MAP9: variants seen among roughly 807,000 people sequenced by gnomAD.
MAP9 encodes the protein microtubule-associated protein 9.
MAP9 carries 80 observed loss-of-function variants against 75.2 expected under a neutral mutation model. The ratio of observed to expected loss-of-function variants is 1.06; its 90% CI spans 0.89 to 1.28. The LOEUF (loss-of-function observed/expected upper bound fraction) is 1.28, where lower values mean the gene tolerates loss of function less well. Among genes scored for constraint, MAP9 ranks in the 50% most tolerant of loss-of-function variants. MAP9 has a pLI of 0.00. For synonymous variants in MAP9, 235 were observed against 237.3 expected (o/e 0.99, Z 0.09); for missense variants, 753 against 719.9 (o/e 1.05, Z -0.53).
chr4:155,360,447 C>A, intron 6 of MAP9, 32 bp from the exon 7 acceptor site: 1 of 1,580,406 alleles, frequency 6.3e-7, no homozygotes, highest in South Asian at 1.1e-5. Context: ...GCATTAAAAC[C>A]CCCTTCTGAA....
Position 155,343,680 on chromosome 4 carries a change from T to C in MAP9, c.*4103A>G, listed in dbSNP as rs1212671576. ...AAAATAAATCTTGAATGGTTGATTT[T>C]AATACACTAAACATTACATGAAAAT... On this transcript the variant is annotated 3_prime_UTR_variant, in exon 14 of 14. Transcript: ENST00000311277. The C allele has an allele frequency of 7.4e-6, 1 of 135,630 alleles. No homozygotes were observed. Among genetic ancestry groups the C allele is most frequent in the Non-Finnish European group, 1.5e-5 (1 of 64,890 alleles). 8.4% of individuals were successfully genotyped at this position (135,630 alleles called of 1,614,324 possible).
In MAP9 at chr4:155,355,973, A is replaced by G; in HGVS notation, c.1122-89T>C. On this transcript the variant is annotated intron_variant, in intron 8 of 13. Coordinates refer to ENST00000311277, the MANE Select transcript of MAP9 (RefSeq NM_001039580.2). Reference sequence around the variant, plus strand: ...TTAGAATATGCACGTATAATATTTGAAAACTGGCCAGGCATGATGGCTCAC... The same window carrying G: ...TTAGAATATGCACGTATAATATTTGGAAACTGGCCAGGCATGATGGCTCAC... 3 of 1,194,522 alleles carry G rather than the reference A, an allele frequency of 2.5e-6. No homozygotes were observed. The South Asian group carries it at 4.6e-5, about 18-fold the overall frequency. 74.0% of individuals were successfully genotyped at this position (1,194,522 alleles called of 1,614,324 possible). A position where few individuals can be genotyped will look rare whatever the true frequency, so the allele number is the denominator to read the frequency against.
intron 5 of MAP9, among the ~76,000 whole-genome samples, chr4:155,365,507 G>C (rs1350834639): frequency 6.6e-6 from 1 of 152,060 alleles, no homozygotes; most frequent in African/African-American, 2.4e-5. Context: ...CAACCATGTT[G>C]ACCAAACTTA....
At chr4:155,367,743 T>C (rs1440802692) in intron 5 of MAP9, among the ~76,000 whole-genome samples, 4 of 152,196 alleles carry the variant, frequency 2.6e-5, no homozygotes, top group African/African-American at 9.6e-5. Flanking sequence ...TTCCTAATAC[T>C]TCCAGTCTGA....
At chr4:155,357,062 AT>A (rs1731824645) in intron 8 of MAP9, 2 of 196,618 alleles carry the variant, frequency 1.0e-5, no homozygotes, top group South Asian at 1.9e-4. Context: ...CTTCAGCTTT[AT>A]TACCATTTTA....
In MAP9 at chr4:155,360,598, T is replaced by C. The variant is rs1448250450; in HGVS notation, c.803-183A>G. ...TTCGAAAGTGATTTACAAAAAAAAA[T>C]AGTCTAGGCTTAACTAATGAAGCAC... On this transcript the variant is annotated intron_variant, in intron 6 of 13. Coordinates refer to ENST00000311277, the MANE Select transcript of MAP9 (RefSeq NM_001039580.2). 4 of 559,434 alleles carry C rather than the reference T, an allele frequency of 7.2e-6. 1 individual carries two copies. In the Admixed American group the frequency reaches 1.3e-4, roughly 18 times the overall value. The allele number at this position is 559,434 out of a possible 1,614,324, so 34.7% of individuals were successfully genotyped here.
chr4:155,373,156 G>C lies in MAP9; in HGVS notation c.461C>G (p.Ser154Ter). Reference sequence around the variant, plus strand: ...ATTACCTGAAGATGTGCTTTTAATTGAAAGAATTCTGGGTTTAGGTTTCAT... The same window carrying C: ...ATTACCTGAAGATGTGCTTTTAATTCAAAGAATTCTGGGTTTAGGTTTCAT... The part of the protein sequence containing the change: ...IKMKPKPRIL[S>*]IKSTSSAENN... The change falls in exon 4 of 14, where the codon TCA becomes TGA. Residue 154 changes from serine to a stop codon, truncating the protein, a stop_gained. Coordinates refer to ENST00000311277, the MANE Select transcript of MAP9 (RefSeq NM_001039580.2). LOFTEE classifies it high-confidence loss of function. 6.4e-7 allele frequency: 1 copy of C among 1,558,524 alleles called. No homozygotes were observed. The highest frequency in any genetic ancestry group is 8.7e-7 in the Non-Finnish European group (1 of 1,153,084).
chr4:155,375,426 A>C lies in MAP9; in HGVS notation c.75+350T>G, dbSNP rs559706061. 9.4e-4 allele frequency among the ~76,000 whole-genome samples: 143 copies of C among 152,334 alleles called. 1 individual carries two copies. Among genetic ancestry groups the C allele is most frequent in the Non-Finnish European group, 1.7e-3 (117 of 68,036 alleles). On this transcript the variant is annotated intron_variant, in intron 2 of 13. Transcript: ENST00000311277. Reference sequence around the variant, plus strand: ...CATATTTCAGAAATGGATGCAATCAATATTGCAAACTTAGAGGCTGAGTTC... The same window carrying C: ...CATATTTCAGAAATGGATGCAATCACTATTGCAAACTTAGAGGCTGAGTTC...
Position 155,346,251 on chromosome 4 carries a change from C to G in MAP9, c.*1532G>C, listed in dbSNP as rs1731282935. On this transcript the variant is annotated 3_prime_UTR_variant, in exon 14 of 14. Coordinates refer to ENST00000311277, the MANE Select transcript of MAP9 (RefSeq NM_001039580.2). ...ATATTCTGATAGTAGTTATAAGATG[C>G]CTGAGTAACTCATGAAATCTTATGG... 6.6e-6 allele frequency: 1 copy of G among 152,080 alleles called. No individual in the cohort carries two copies. Among genetic ancestry groups the G allele is most frequent in the Admixed American group, 6.6e-5 (1 of 15,258 alleles). The allele number at this position is 152,080 out of a possible 1,614,324, so 9.4% of individuals were successfully genotyped here. A position where few individuals can be genotyped will look rare whatever the true frequency, so the allele number is the denominator to read the frequency against.
chr4:155,373,434 G>A lies in MAP9; in HGVS notation c.183C>T (p.Asp61=). The A allele has an allele frequency of 1.3e-6, 2 of 1,556,398 alleles. No homozygotes were observed. Among genetic ancestry groups the A allele is most frequent in the Non-Finnish European group, 1.7e-6 (2 of 1,153,364 alleles). The part of the protein sequence containing the change: ...DEIVSLGDFS[D]TSADENSVNK... ...TAACTGAATTTTCATCTGCTGAAGT[G>A]TCAGAAAAATCACCTAAAGAAACTG... Residue 61 remains aspartate, a synonymous_variant, in exon 4 of 14, where the codon GAC becomes GAT. Transcript: ENST00000311277.
rs991250717 is a variant in MAP9 at position 155,353,315 on chromosome 4, G to C, written c.1406C>G (p.Ala469Gly). ...EQKKAAKREE[A>G]LASFEAWKAM... is the part of the protein sequence containing the mutation. ...CTTCCAGGCCTCAAATGATGCTAAT[G>C]CTTCTTCTCTTTTAGCAGCTTTTTT... Residue 469 changes from alanine (A) to glycine (G), a missense_variant, in exon 11 of 14, where the codon GCA (alanine) becomes GGA (glycine). Ala to Gly is a moderately conservative substitution (Grantham distance 60, BLOSUM62 0). Coordinates refer to ENST00000311277, the MANE Select transcript of MAP9 (RefSeq NM_001039580.2). 1.6e-5 allele frequency: 26 copies of C among 1,579,324 alleles called. No individual in the cohort carries two copies. The highest frequency in any genetic ancestry group is 2.1e-5 in the Non-Finnish European group (24 of 1,169,840).
At chr4:155,349,837 A>G (rs12508947) in intron 13 of MAP9, 153,530 of 153,546 alleles carry the variant, frequency 1, 76,757 homozygotes, top group Middle Eastern at 1. Context: ...ACTTAACATG[A>G]GGGGGCAGTA....
intron 4 of MAP9, among the ~76,000 whole-genome samples, chr4:155,372,180 A>G (rs970386064): frequency 2.6e-5 from 4 of 152,032 alleles, no homozygotes; most frequent in African/African-American, 9.7e-5. Context: ...AGTTAATGAG[A>G]TTGTGGGGTC....
At position 155,353,284 on chromosome 4, in the gene MAP9, C is replaced by A; in HGVS notation, c.1437G>T (p.Met479Ile). Residue 479 changes from methionine to isoleucine, a missense_variant, in exon 11 of 14, where the codon ATG becomes ATT. Coordinates refer to ENST00000311277, the MANE Select transcript of MAP9 (RefSeq NM_001039580.2). The stretch of plus-strand genomic sequence containing the variant: ...CTATTTTCTTTGCTTCCTTTTCTTT[C>A]ATAGCCTTCCAGGCCTCAAATGATG... ...ALASFEAWKA[M>I]KEKEAKKIAA... The A allele has an allele frequency of 6.2e-7, 1 of 1,607,888 alleles. No homozygotes were observed. Among genetic ancestry groups the A allele is most frequent in the Non-Finnish European group, 8.5e-7 (1 of 1,178,054 alleles).
Position 155,344,599 on chromosome 4 carries a change from A to G in MAP9, c.*3184T>C, listed in dbSNP as rs1731218907. 1 of 152,012 alleles carries G rather than the reference A, an allele frequency of 6.6e-6. No homozygotes were observed. Among genetic ancestry groups the G allele is most frequent in the East Asian group, 1.9e-4 (1 of 5,192 alleles). 9.4% of individuals were successfully genotyped at this position (152,012 alleles called of 1,614,324 possible). ...CAGCAGTGAAAATATCAGTTTCAAT[A>G]TAACTTTAAACAATAAATGGACTAA... On this transcript the variant is annotated 3_prime_UTR_variant, in exon 14 of 14. Transcript: ENST00000311277.
Position 155,345,083 on chromosome 4 carries a change from T to G in MAP9, c.*2700A>C, listed in dbSNP as rs1227832023. On this transcript the variant is annotated 3_prime_UTR_variant, in exon 14 of 14. Transcript: ENST00000311277. ...ACATGACATACTTCCTAAGGAAATA[T>G]GGGAAAATCATACCTTTTAAATAGG... 6.6e-6 allele frequency: 1 copy of G among 152,008 alleles called. No individual in the cohort carries two copies. The highest frequency in any genetic ancestry group is 2.1e-4 in the South Asian group (1 of 4,834). The allele number at this position is 152,008 out of a possible 1,614,324, so 9.4% of individuals were successfully genotyped here.
intron 8 of MAP9, chr4:155,357,136 A>G (rs1349762194): frequency 7.6e-6 from 2 of 262,882 alleles, no homozygotes; most frequent in African/African-American, 4.6e-5. Context: ...CTGGAGCACA[A>G]AGAATCCCTA....
chr4:155,353,905 ATGT>A (rs1731640180), intron 10 of MAP9, among the ~76,000 whole-genome samples: 1 of 152,150 alleles, frequency 6.6e-6, no homozygotes, highest in Non-Finnish European at 1.5e-5. Context: ...ATAGCAAGTT[ATGT>A]TATTATTTTA....
intron 3 of MAP9, among the ~76,000 whole-genome samples, chr4:155,373,893 C>T (rs1448061682): frequency 6.6e-6 from 1 of 151,798 alleles, no homozygotes; most frequent in Middle Eastern, 3.2e-3. Flanking sequence ...ATATTTTTTC[C>T]ATAAAAATTT....
Sources: allele counts gnomAD v4.1 joint callset (sites outside exome capture counted in the v4.1 genomes callset), GRCh38; gene constraint gnomAD v4.1.1; transcripts MANE v1.5; gene names NCBI Gene and HGNC (gene_info 2026-07-23, HGNC 2026-07-21).